LRRTM4: variants seen among roughly 807,000 people sequenced by gnomAD.
LRRTM4 encodes the protein leucine rich repeat transmembrane neuronal 4.
LRRTM4 carries 25 observed loss-of-function variants against 47.6 expected under a neutral mutation model. That is an observed-to-expected ratio of 0.53 (90% CI 0.38 to 0.73). The LOEUF is 0.73. LRRTM4 is among the 30% of genes least tolerant of loss of function. The probability of loss-of-function intolerance (pLI) is 0.00; values close to 1 mark genes in which losing one functional copy is unlikely to be tolerated. For synonymous variants in LRRTM4, 311 were observed against 269.5 expected (o/e 1.15, Z -1.51); for missense variants, 638 against 713.4 (o/e 0.89, Z 1.20).
intron 3 of LRRTM4, among the ~76,000 whole-genome samples, chr2:76,798,243 A>G (rs1386538036): frequency 6.6e-6 from 1 of 152,178 alleles, no homozygotes; most frequent in Non-Finnish European, 1.5e-5. Flanking sequence ...AGATTATAAC[A>G]AACTATCTCT....
intron 3 of LRRTM4, among the ~76,000 whole-genome samples, chr2:76,986,805 T>TA (rs1676815179): frequency 1.3e-5 from 2 of 151,966 alleles, no homozygotes; most frequent in Non-Finnish European, 2.9e-5. Context: ...TGCAGCTATA[T>TA]AGGCCAATAC....
At chr2:77,403,360 C>A (rs532366044) in intron 3 of LRRTM4, among the ~76,000 whole-genome samples, 1 of 151,836 alleles carries the variant, frequency 6.6e-6, no homozygotes, top group Non-Finnish European at 1.5e-5. Context: ...ATGGGAACTT[C>A]TTTGAGGCCA....
intron 3 of LRRTM4, among the ~76,000 whole-genome samples, chr2:77,320,139 C>A (rs892365653): frequency 9.5e-5 from 13 of 136,470 alleles, no homozygotes; most frequent in African/African-American, 3.9e-4. Context: ...GGCCTCTGCC[C>A]TCCCTTTTCC....
chr2:77,407,615 A>G (rs1296536813), intron 3 of LRRTM4, among the ~76,000 whole-genome samples: 1 of 139,382 alleles, frequency 7.2e-6, no homozygotes, highest in Non-Finnish European at 1.5e-5. Context: ...TATAATATAT[A>G]ATATAATATA....
At chr2:77,485,329 C>T (rs1677868153) in intron 3 of LRRTM4, among the ~76,000 whole-genome samples, 1 of 152,014 alleles carries the variant, frequency 6.6e-6, no homozygotes. Context: ...ACAGGGAAAA[C>T]TGAAGATAAA....
intron 3 of LRRTM4, among the ~76,000 whole-genome samples, chr2:77,068,339 T>C (rs1680030760): frequency 6.6e-6 from 1 of 152,186 alleles, no homozygotes; most frequent in South Asian, 2.1e-4. Context: ...GTCACCTTTG[T>C]AAAGCATAAA....
At chr2:77,061,103 GAGT>G (rs907091411) in intron 3 of LRRTM4, among the ~76,000 whole-genome samples, 2 of 147,060 alleles carry the variant, frequency 1.4e-5, no homozygotes, top group Non-Finnish European at 3.0e-5. Flanking sequence ...CAAGCCATTA[GAGT>G]TTTTTTTTTT....
intron 3 of LRRTM4, among the ~76,000 whole-genome samples, chr2:77,004,936 T>C (rs948778700): frequency 6.6e-6 from 1 of 152,208 alleles, no homozygotes; most frequent in Admixed American, 6.5e-5. Context: ...CCCTTTGTTT[T>C]GGCCAACTTA....
At chr2:77,223,049 C>G (rs1674689625) in intron 3 of LRRTM4, among the ~76,000 whole-genome samples, 1 of 151,894 alleles carries the variant, frequency 6.6e-6, no homozygotes, top group African/African-American at 2.4e-5. Flanking sequence ...AAGGCTGGTT[C>G]AACATACGAA....
chr2:77,300,110 A>G (rs1677091699), intron 3 of LRRTM4, among the ~76,000 whole-genome samples: 1 of 152,108 alleles, frequency 6.6e-6, no homozygotes, highest in Non-Finnish European at 1.5e-5. Context: ...TCGGCCTCCC[A>G]AAGTGCTGAA....
intron 3 of LRRTM4, among the ~76,000 whole-genome samples, chr2:76,760,110 A>C (rs574254716): frequency 7.3e-4 from 111 of 152,248 alleles, no homozygotes; most frequent in African/African-American, 2.6e-3. Context: ...TTGTATTTGG[A>C]AGAAGTTTAC....
intron 3 of LRRTM4, among the ~76,000 whole-genome samples, chr2:76,790,159 G>T (rs972764179): frequency 6.6e-6 from 1 of 152,288 alleles, no homozygotes; most frequent in African/African-American, 2.4e-5. Flanking sequence ...ACTTAATGAA[G>T]AGGATACCAC....
intron 3 of LRRTM4, among the ~76,000 whole-genome samples, chr2:77,287,723 A>G (rs1029400921): frequency 5.9e-5 from 9 of 152,138 alleles, no homozygotes; most frequent in Admixed American, 5.3e-4. Flanking sequence ...CCACATTTAC[A>G]TAACTTTTAT....
At chr2:77,456,033 C>A (rs1676525023) in intron 3 of LRRTM4, among the ~76,000 whole-genome samples, 1 of 152,160 alleles carries the variant, frequency 6.6e-6, no homozygotes, top group South Asian at 2.1e-4. Context: ...TCCTTGTCAA[C>A]ATGCGTAAAT....
chr2:77,185,416 C>T (rs1673473251), intron 3 of LRRTM4, among the ~76,000 whole-genome samples: 1 of 152,128 alleles, frequency 6.6e-6, no homozygotes, highest in Non-Finnish European at 1.5e-5. Context: ...ATTTATCACT[C>T]TATTGGATCT....
intron 3 of LRRTM4, among the ~76,000 whole-genome samples, chr2:77,197,746 C>T (rs1370712988): frequency 2.0e-5 from 3 of 152,084 alleles, no homozygotes; most frequent in African/African-American, 7.2e-5. Context: ...ATATCTTATG[C>T]CGTACCCTAC....
chr2:76,810,478 G>T (rs1210289607), intron 3 of LRRTM4, among the ~76,000 whole-genome samples: 1 of 152,046 alleles, frequency 6.6e-6, no homozygotes, highest in Non-Finnish European at 1.5e-5. Context: ...TGTAAGAATA[G>T]GTGCTTGTTT....
Position 77,400,572 on chromosome 2 carries a change from G to A in LRRTM4, c.1551+117746C>T, listed in dbSNP as rs374962627. Among the ~76,000 whole-genome samples, 20 of 151,952 alleles carry A rather than the reference G, an allele frequency of 1.3e-4. No homozygotes were observed. In the East Asian group the frequency reaches 3.1e-3, roughly 24 times the overall value. ...TTTCTCCACAGATTAGTCTCATGAT[G>A]ATATAGAGCAGCCAGAGAGGGACTT... On this transcript the variant is annotated intron_variant, in intron 3 of 3. Coordinates refer to ENST00000409884, the MANE Select transcript of LRRTM4 (RefSeq NM_001134745.3).
intron 3 of LRRTM4, among the ~76,000 whole-genome samples, chr2:77,085,551 T>C (rs1350387447): frequency 2.6e-5 from 4 of 152,214 alleles, no homozygotes; most frequent in African/African-American, 9.6e-5. Context: ...AGAAGAGCAA[T>C]GTGGCTTTGT....
Sources: allele counts gnomAD v4.1 joint callset (sites outside exome capture counted in the v4.1 genomes callset), GRCh38; gene constraint gnomAD v4.1.1; transcripts MANE v1.5; gene names NCBI Gene and HGNC (gene_info 2026-07-23, HGNC 2026-07-21).